The following NFASC variants were observed in gnomAD, a reference collection of about 807,000 sequenced individuals.
The protein encoded by NFASC is neurofascin homolog.
A neutral mutation model predicts 147.5 loss-of-function variants in NFASC; 43 were observed. The ratio of observed to expected loss-of-function variants is 0.29; its 90% confidence interval spans 0.23 to 0.38. The LOEUF is 0.38. Ranked by LOEUF, NFASC falls within the 10% of genes least tolerant of loss-of-function variation. The pLI is 1.00. For synonymous variants in NFASC, 622 were observed against 665.5 expected, an observed-to-expected ratio of 0.93 and a Z score of 1.01; for missense variants, 1,320 against 1,689.0, an observed-to-expected ratio of 0.78 and a Z score of 3.83.
chr1:204,872,530 A>G (rs1461651181), intron 1 of NFASC, among the ~76,000 whole-genome samples: 1 of 152,178 alleles, frequency 6.6e-6, no homozygotes, highest in Non-Finnish European at 1.5e-5. Flanking sequence ...TGGTCAACTC[A>G]ACCGCAGTCA....
intron 1 of NFASC, among the ~76,000 whole-genome samples, chr1:204,829,596 C>G (rs1465356527): frequency 6.6e-6 from 1 of 152,152 alleles, no homozygotes; most frequent in Admixed American, 6.5e-5. Flanking sequence ...AGGCCTCTCT[C>G]TTATGTTCCT....
At chr1:204,945,490 T>G (rs543255397) in intron 3 of NFASC, among the ~76,000 whole-genome samples, 1 of 151,342 alleles carries the variant, frequency 6.6e-6, no homozygotes, top group Non-Finnish European at 1.5e-5. Flanking sequence ...TCAGCCCTCC[T>G]GGCACTCTAC....
intron 17 of NFASC, 131 bp from the exon 18 acceptor site, chr1:204,978,837 C>T (rs1395125687): frequency 1.5e-6 from 1 of 665,538 alleles, no homozygotes; most frequent in South Asian, 2.0e-5. Flanking sequence ...GTGCTCACCC[C>T]TCAGGGCAGG....
chr1:204,839,181 G>A (rs946854296), intron 1 of NFASC, among the ~76,000 whole-genome samples: 4 of 152,198 alleles, frequency 2.6e-5, no homozygotes, highest in Non-Finnish European at 4.4e-5. Flanking sequence ...CTACTTGTGA[G>A]TCACTCTTTG....
intron 1 of NFASC, among the ~76,000 whole-genome samples, chr1:204,913,767 T>G (rs2088364617): frequency 6.6e-6 from 1 of 151,744 alleles, no homozygotes; most frequent in African/African-American, 2.4e-5. Flanking sequence ...GTGCTTGTGG[T>G]CCCAGCTACT....
intron 8 of NFASC, among the ~76,000 whole-genome samples, chr1:204,960,926 C>CCAGT (rs959778535): frequency 6.6e-6 from 1 of 152,172 alleles, no homozygotes; most frequent in African/African-American, 2.4e-5. Context: ...AATGCCAGTC[C>CCAGT]CAGAAAAGGA....
At chr1:204,831,511 A>G (rs1227951119) in intron 1 of NFASC, among the ~76,000 whole-genome samples, 1 of 151,690 alleles carries the variant, frequency 6.6e-6, no homozygotes, top group African/African-American at 2.4e-5. Context: ...TGATCAGTAT[A>G]TTGCAACTTG....
intron 1 of NFASC, among the ~76,000 whole-genome samples, chr1:204,857,931 T>C (rs1342604221): frequency 6.7e-6 from 1 of 149,464 alleles, no homozygotes; most frequent in Non-Finnish European, 1.5e-5. Flanking sequence ...TTTTTTTTTT[T>C]TTTTTGAGAT....
At chr1:204,847,624 C>T (rs1180499863) in intron 1 of NFASC, among the ~76,000 whole-genome samples, 2 of 152,182 alleles carry the variant, frequency 1.3e-5, no homozygotes, top group African/African-American at 4.8e-5. Flanking sequence ...ATTGGCTATG[C>T]ATTTGGGAAG....
intron 14 of NFASC, 99 bp downstream of exon 14, chr1:204,974,922 C>A: frequency 7.7e-7 from 1 of 1,290,732 alleles, no homozygotes. Flanking sequence ...TGCACCACAC[C>A]TGTCTTTAAC....
chr1:205,002,180 C>CA lies in NFASC; in HGVS notation c.3137-415dup, dbSNP rs142912199. On this transcript the variant is annotated intron_variant, in intron 26 of 29. Transcript: ENST00000339876. ...GAAACTAGGAATGAGAGCCAAGAGACAGAGTCCCAGCTCATCTCTGGTTTT... is the reference window on the plus strand; with the variant it reads ...GAAACTAGGAATGAGAGCCAAGAGACAAGAGTCCCAGCTCATCTCTGGTTTT... 5.5e-4 allele frequency among the ~76,000 whole-genome samples: 84 copies of CA among 152,334 alleles called. 2 individuals are homozygous for CA. In the East Asian group the frequency reaches 0.014, roughly 26 times the overall value.
rs1294304735 is a variant in NFASC, at chr1:204,987,573, T to C, written c.2593+33T>C. 6.2e-7 allele frequency: 1 copy of C among 1,612,514 alleles called. No individual in the cohort carries two copies. The highest frequency in any genetic ancestry group is 1.7e-5 in the Admixed American group (1 of 59,966). On this transcript the variant is annotated intron_variant, in intron 22 of 29. Transcript: ENST00000339876. This position sits in a 1 kb window ranked among gnomAD's most constrained non-coding sequence, Gnocchi z 4.4. ...CTGCCCTTCCCTTTCTCTTAGATAA[T>C]CTGGGAACCAGAAACCCCATTCTCA...
At chr1:204,879,269 ATAAC>A (rs1461020509) in intron 1 of NFASC, among the ~76,000 whole-genome samples, 1 of 152,258 alleles carries the variant, frequency 6.6e-6, no homozygotes, top group African/African-American at 2.4e-5. Context: ...ATAATAGTGA[ATAAC>A]TAACATTTGT....
At chr1:204,929,166 C>T (rs767532769) in intron 2 of NFASC, among the ~76,000 whole-genome samples, 2 of 152,220 alleles carry the variant, frequency 1.3e-5, no homozygotes, top group African/African-American at 2.4e-5. Flanking sequence ...CTCCCCCATC[C>T]CCCTGACCCA....
intron 25 of NFASC, 116 bp downstream of exon 25, chr1:204,997,522 C>T (rs1407877965): frequency 8.6e-7 from 1 of 1,161,586 alleles, no homozygotes; most frequent in South Asian, 1.3e-5. Context: ...TGTTTGCCAC[C>T]ACCTCCCTTT....
intron 5 of NFASC, among the ~76,000 whole-genome samples, chr1:204,952,702 A>G (rs2094195683): frequency 6.6e-6 from 1 of 152,230 alleles, no homozygotes; most frequent in Admixed American, 6.5e-5. Flanking sequence ...ATTTAAACTC[A>G]TGCATTTCTA....
chr1:204,832,653 G>A (rs1003401855), intron 1 of NFASC, among the ~76,000 whole-genome samples: 2 of 152,126 alleles, frequency 1.3e-5, no homozygotes, highest in African/African-American at 2.4e-5. Context: ...ACCCATTTTT[G>A]TTCATTTCAT....
At chr1:204,952,185 A>G in intron 5 of NFASC, 69 bp downstream of exon 5, 1 of 1,202,766 alleles carries the variant, frequency 8.3e-7, no homozygotes, top group Non-Finnish European at 1.2e-6. Flanking sequence ...TAACTAAGGC[A>G]AATGAGGCAG....
intron 27 of NFASC, 168 bp from the exon 28 acceptor site, chr1:205,009,389 C>A (rs1574476426): frequency 2.5e-6 from 2 of 786,630 alleles, no homozygotes; most frequent in Non-Finnish European, 4.6e-6. Context: ...TAATTATTTT[C>A]TTTTTGTCCT....
Sources: allele counts gnomAD v4.1 joint callset (sites outside exome capture counted in the v4.1 genomes callset), GRCh38; gene constraint gnomAD v4.1.1; non-coding constraint Gnocchi (gnomAD v3.1); transcripts MANE v1.5; gene names NCBI Gene and HGNC (gene_info 2026-07-23, HGNC 2026-07-21).